Variants in ZNF536 observed in about 807,000 individuals in gnomAD.
ZNF536 encodes the protein zinc finger protein 536.
ZNF536 carries 13 observed loss-of-function variants against 84.5 expected under a neutral mutation model. The ratio of observed to expected loss-of-function variants is 0.15; its 90% CI spans 0.10 to 0.24. The LOEUF is 0.24. Among genes scored for constraint, ZNF536 ranks in the 10% least tolerant of loss-of-function variants. The pLI, the probability that ZNF536 is intolerant of heterozygous loss-of-function variation, is 1.00. For synonymous variants in ZNF536, 811 were observed against 742.5 expected, an observed-to-expected ratio of 1.09 and a Z score of -1.50; for missense variants, 1,536 against 1,747.5, an observed-to-expected ratio of 0.88 and a Z score of 2.16.
At chr19:30,629,452 T>A (rs1938177194) in intron 1 of ZNF536, among the ~76,000 whole-genome samples, 1 of 152,210 alleles carries the variant, frequency 6.6e-6, no homozygotes, top group African/African-American at 2.4e-5. Flanking sequence ...CACCTCGGCC[T>A]CCCAAATTGC....
chr19:30,654,271 GTAATCACCCAGT>G (rs1424878255), intron 1 of ZNF536, among the ~76,000 whole-genome samples: 2 of 152,188 alleles, frequency 1.3e-5, no homozygotes, highest in Non-Finnish European at 2.9e-5. Flanking sequence ...GCCCGGCATA[GTAATCACCCAGT>G]TCCTAGGTGG....
chr19:30,568,491 G>A (rs1246109208), intron 1 of ZNF536, among the ~76,000 whole-genome samples: 1 of 152,272 alleles, frequency 6.6e-6, no homozygotes, highest in African/African-American at 2.4e-5. Context: ...AAAAGGCAAA[G>A]GTGCAAGTAT....
chr19:30,527,484 C>T (rs1330968272), intron 2 of ZNF536, among the ~76,000 whole-genome samples: 1 of 151,800 alleles, frequency 6.6e-6, no homozygotes, highest in Non-Finnish European at 1.5e-5. Context: ...AAGTGGACAT[C>T]GTTTTCTAAA....
intron 1 of ZNF536, among the ~76,000 whole-genome samples, chr19:30,432,006 T>TATATATATATATATATATATAGAC (rs149223384): frequency 6.8e-6 from 1 of 145,988 alleles, no homozygotes; most frequent in Non-Finnish European, 1.5e-5. Context: ...TATATATATA[T>TATATATATATATATATATATAGAC]ACACACACAC....
chr19:30,381,299 A>G (rs891061541), intron 1 of ZNF536, among the ~76,000 whole-genome samples: 7 of 152,214 alleles, frequency 4.6e-5, no homozygotes, highest in African/African-American at 1.7e-4. Context: ...ACTGGGTGAC[A>G]GGCAAGTTCC....
At chr19:30,264,964 T>TGAGA (rs1168287035) in intron 1 of ZNF536, among the ~76,000 whole-genome samples, 2,032 of 68,068 alleles carry the variant, frequency 0.03, 47 homozygotes, top group African/African-American at 0.12. Flanking sequence ...TGTGTGTGTG[T>TGAGA]GTGAGAGAGA....
intron 2 of ZNF536, among the ~76,000 whole-genome samples, chr19:30,306,128 T>A (rs898017124): frequency 6.6e-6 from 1 of 152,254 alleles, no homozygotes; most frequent in Non-Finnish European, 1.5e-5. Context: ...ACACTCCTTT[T>A]TTTTTCAAAA....
chr19:30,701,494 C>T (rs1175854523), intron 1 of ZNF536, among the ~76,000 whole-genome samples: 1 of 151,832 alleles, frequency 6.6e-6, no homozygotes, highest in Non-Finnish European at 1.5e-5. Flanking sequence ...CAAACACACA[C>T]ACAGACACAA....
intron 4 of ZNF536, among the ~76,000 whole-genome samples, chr19:30,552,033 G>A (rs570693269): frequency 7.4e-5 from 11 of 149,340 alleles, no homozygotes; most frequent in African/African-American, 2.4e-4. Context: ...CAAATGGGCT[G>A]TTTTTTTTTT....
At chr19:30,343,768 G>T (rs1052061204) in intron 2 of ZNF536, among the ~76,000 whole-genome samples, 2 of 152,102 alleles carry the variant, frequency 1.3e-5, no homozygotes, top group Non-Finnish European at 2.9e-5. Context: ...CTAGGAGATG[G>T]TAACCTATGC....
At position 30,433,393 on chromosome 19, in the gene ZNF536, C is replaced by T. The variant is rs183347765; in HGVS notation, c.-2-10168C>T. On this transcript the variant is annotated intron_variant, in intron 1 of 4. Transcript: ENST00000355537. ...TCTTGCTTATAGATCTCTAGATGTA[C>T]CCATGTCTTGCCACATGTAGGCATT... Among the ~76,000 whole-genome samples the T allele has an allele frequency of 2.6e-5, 4 of 152,352 alleles. No homozygotes were observed. In the East Asian group the frequency reaches 7.7e-4, roughly 29 times the overall value.
intron 2 of ZNF536, among the ~76,000 whole-genome samples, chr19:30,337,403 C>T (rs1319933570): frequency 6.6e-6 from 1 of 152,210 alleles, no homozygotes; most frequent in Admixed American, 6.5e-5. Context: ...CAGGCCTTTC[C>T]TGGCCACCTT....
At chr19:30,510,315 T>C (rs2055357763) in intron 2 of ZNF536, among the ~76,000 whole-genome samples, 2 of 152,206 alleles carry the variant, frequency 1.3e-5, no homozygotes, top group Non-Finnish European at 2.9e-5. Context: ...AGATTGTTAA[T>C]GTGCCAGAGA....
chr19:30,226,466 T>C (rs1030025512), upstream of ZNF536, among the ~76,000 whole-genome samples: 16 of 151,634 alleles, frequency 1.1e-4, 1 homozygote, highest in Non-Finnish European at 2.9e-5. This position sits in a 1 kb window ranked among gnomAD's most constrained non-coding sequence, Gnocchi z 4.6. Flanking sequence ...CGAGAGCCGC[T>C]GAGATCTGCC....
At chr19:30,374,594 C>G (rs994288784) in intron 1 of ZNF536, among the ~76,000 whole-genome samples, 42 of 152,130 alleles carry the variant, frequency 2.8e-4, no homozygotes, top group African/African-American at 9.4e-4. Context: ...CGGTGCCCAC[C>G]AGAAGGTGCC....
At chr19:30,698,317 A>G (rs73032823) in intron 1 of ZNF536, among the ~76,000 whole-genome samples, 24,224 of 152,056 alleles carry the variant, frequency 0.16, 2,209 homozygotes, top group Middle Eastern at 0.23. Flanking sequence ...GTTTGCATAG[A>G]TAATACAGAG....
intron 1 of ZNF536, among the ~76,000 whole-genome samples, chr19:30,426,640 G>A (rs1010936873): frequency 4.6e-5 from 7 of 152,166 alleles, no homozygotes; most frequent in Admixed American, 6.5e-5. Flanking sequence ...GAGCACCCAC[G>A]CCTTGCCCTG....
At chr19:30,267,159 A>G (rs2025558465) in intron 1 of ZNF536, among the ~76,000 whole-genome samples, 1 of 152,248 alleles carries the variant, frequency 6.6e-6, no homozygotes, top group Admixed American at 6.5e-5. Flanking sequence ...ATTTTGACTC[A>G]TCTGCTGTGC....
chr19:30,378,996 G>T (rs756482436), intron 1 of ZNF536, among the ~76,000 whole-genome samples: 13 of 152,282 alleles, frequency 8.5e-5, no homozygotes, highest in South Asian at 8.3e-4. Context: ...GTGTGGGGAG[G>T]GGGTGATAGC....
Sources: gnomAD v4.1 joint callset for allele counts (sites outside exome capture counted in the v4.1 genomes callset) on GRCh38, gnomAD v4.1.1 for gene constraint, Gnocchi (gnomAD v3.1) non-coding constraint, MANE v1.5 for transcripts, NCBI Gene and HGNC (gene_info 2026-07-23, HGNC 2026-07-21) for gene names.